Variants in SDK1 observed in about 807,000 individuals in gnomAD.
SDK1 encodes the protein protein sidekick-1.
In SDK1, 157 loss-of-function variants were observed where a neutral mutation model predicts 245.5. That is an observed-to-expected ratio of 0.64 (90% CI 0.56 to 0.73). The LOEUF (loss-of-function observed/expected upper bound fraction) is 0.73. Ranked by LOEUF, SDK1 falls within the 30% of genes least tolerant of loss-of-function variation. The pLI is 0.00. For missense variants in SDK1, 3,583 were observed against 3,002.3 expected, an observed-to-expected ratio of 1.19 and a Z score of -4.52; for synonymous variants, 1,647 against 1,278.5, an observed-to-expected ratio of 1.29 and a Z score of -6.15.
rs1788511473 is a variant in SDK1, at chr7:4,267,035, G to A, written c.*1651G>A. On this transcript the variant is annotated 3_prime_UTR_variant, in exon 45 of 45. Coordinates refer to ENST00000404826, the MANE Select transcript of SDK1 (RefSeq NM_152744.4). Reference sequence around the variant, plus strand: ...TTTTGTGCACCTCCATGGGCAGAGGGTGTGGATATTGCCTGGATTCTGTGC... The same window carrying A: ...TTTTGTGCACCTCCATGGGCAGAGGATGTGGATATTGCCTGGATTCTGTGC... The A allele has an allele frequency of 1.0e-6, 1 of 985,458 alleles. No individual in the cohort carries two copies. Among genetic ancestry groups the A allele is most frequent in the Admixed American group, 6.1e-5 (1 of 16,266 alleles). 61.0% of individuals were successfully genotyped at this position (985,458 alleles called of 1,614,324 possible).
intron 5 of SDK1, among the ~76,000 whole-genome samples, chr7:3,868,513 A>G (rs1402324553): frequency 6.6e-6 from 1 of 152,236 alleles, no homozygotes; most frequent in East Asian, 1.9e-4. Context: ...CATAATTTGC[A>G]TTACTGTTAG....
chr7:4,011,031 C>G lies in SDK1; in HGVS notation c.2197C>G (p.Leu733Val), dbSNP rs1346920895. ...PEMTGVTVSG[L>V]TPARTYQFRV... ...GATGACAGGCGTCACCGTGAGTGGCCTGACTCCGGCTCGTACCTATCAATT... is the reference window on the plus strand; with the variant it reads ...GATGACAGGCGTCACCGTGAGTGGCGTGACTCCGGCTCGTACCTATCAATT... Residue 733 changes from leucine (L) to valine (V), a missense_variant, in exon 15 of 45, where the codon CTG becomes GTG. Coordinates refer to ENST00000404826, the MANE Select transcript of SDK1 (RefSeq NM_152744.4). 1.2e-6 allele frequency: 2 copies of G among 1,614,112 alleles called. No individual in the cohort carries two copies. The highest frequency in any genetic ancestry group is 1.7e-6 in the Non-Finnish European group (2 of 1,180,048).
chr7:3,774,088 G>A (rs941047098), intron 4 of SDK1, among the ~76,000 whole-genome samples: 9 of 152,112 alleles, frequency 5.9e-5, no homozygotes, highest in African/African-American at 2.2e-4. Context: ...GGTGGCGGGT[G>A]CCTGTAGTCC....
At chr7:3,595,672 G>T (rs1781029732) in intron 1 of SDK1, among the ~76,000 whole-genome samples, 1 of 151,746 alleles carries the variant, frequency 6.6e-6, no homozygotes, top group East Asian at 1.9e-4. Context: ...GCCACTTCCT[G>T]CGTGACTTTG....
At chr7:3,765,647 G>T (rs1175010087) in intron 4 of SDK1, among the ~76,000 whole-genome samples, 2 of 152,168 alleles carry the variant, frequency 1.3e-5, no homozygotes, top group African/African-American at 4.8e-5. Flanking sequence ...GAAGGTGGAA[G>T]TATCTAACAA....
At chr7:3,473,235 A>C (rs1450007860) in intron 1 of SDK1, among the ~76,000 whole-genome samples, 2 of 152,000 alleles carry the variant, frequency 1.3e-5, no homozygotes, top group African/African-American at 4.8e-5. Context: ...CAAATTTCCT[A>C]CTCCAAGCCT....
intron 17 of SDK1, among the ~76,000 whole-genome samples, chr7:4,023,157 G>A (rs184208337): frequency 1.8e-4 from 28 of 152,074 alleles, no homozygotes; most frequent in African/African-American, 6.0e-4. Context: ...GCAAGCTCTC[G>A]GCATGGGCTA....
intron 4 of SDK1, among the ~76,000 whole-genome samples, chr7:3,768,491 A>G (rs752023998): frequency 1.3e-5 from 2 of 152,238 alleles, no homozygotes; most frequent in Non-Finnish European, 2.9e-5. Flanking sequence ...AGCCCTCAGC[A>G]TTTCTCAGCT....
intron 4 of SDK1, among the ~76,000 whole-genome samples, chr7:3,704,971 G>T (rs562521723): frequency 2.0e-5 from 3 of 151,950 alleles, no homozygotes; most frequent in African/African-American, 7.2e-5. Context: ...ATGTTTTTGC[G>T]TGCTTTGTCA....
intron 4 of SDK1, among the ~76,000 whole-genome samples, chr7:3,689,784 C>A (rs564692624): frequency 3.9e-5 from 6 of 152,236 alleles, no homozygotes; most frequent in Admixed American, 6.5e-5. Flanking sequence ...TTTTTATTTC[C>A]CAATGAATCC....
rs530561361 is a variant in SDK1, at chr7:3,336,817, C to G, written c.298+34933C>G. Among the ~76,000 whole-genome samples, 34 of 152,272 alleles carry G rather than the reference C, an allele frequency of 2.2e-4. No homozygotes were observed. In the Middle Eastern group the frequency reaches 0.01, roughly 46 times the overall value. On this transcript the variant is annotated intron_variant, in intron 1 of 44. Transcript: ENST00000404826. ...AGTGTCAGTGAGCTGAACTCTCACC[C>G]CATCTGTCTGCAACAAGGCAATGTG...
At position 4,195,887 on chromosome 7, in the gene SDK1, C is replaced by G. The variant is rs182944612; in HGVS notation, c.5099-9992C>G. 9.9e-5 allele frequency among the ~76,000 whole-genome samples: 15 copies of G among 152,238 alleles called. No homozygotes were observed. In the East Asian group the frequency reaches 2.5e-3, roughly 26 times the overall value. On this transcript the variant is annotated intron_variant, in intron 35 of 44. Transcript: ENST00000404826. Reference sequence around the variant, plus strand: ...GCTAACATGTGCCCTTGGGAGGGTGCCTCCACCCACCCCAAAATCCATGAC... The same window carrying G: ...GCTAACATGTGCCCTTGGGAGGGTGGCTCCACCCACCCCAAAATCCATGAC...
At chr7:3,535,691 A>G (rs1005561921) in intron 1 of SDK1, among the ~76,000 whole-genome samples, 7 of 152,182 alleles carry the variant, frequency 4.6e-5, no homozygotes, top group Non-Finnish European at 8.8e-5. Context: ...TAGTAATCAG[A>G]TGTTTTCTGT....
chr7:3,356,944 A>G (rs1040037208), intron 1 of SDK1, among the ~76,000 whole-genome samples: 1 of 136,396 alleles, frequency 7.3e-6, no homozygotes, highest in South Asian at 2.4e-4. Context: ...AATCCCAGCT[A>G]CTCAGGAGGC....
chr7:3,385,985 TC>T (rs1199485211), intron 1 of SDK1, among the ~76,000 whole-genome samples: 1 of 152,158 alleles, frequency 6.6e-6, no homozygotes, highest in Non-Finnish European at 1.5e-5. Context: ...ATTTTTTTTT[TC>T]CACATGAGGG....
chr7:4,161,232 G>A (rs1397463719), intron 31 of SDK1, among the ~76,000 whole-genome samples: 1 of 152,166 alleles, frequency 6.6e-6, no homozygotes, highest in African/African-American at 2.4e-5. Flanking sequence ...AACCAGCCTT[G>A]TCCCTCCAGA....
chr7:3,654,476 A>G (rs1484416097), intron 4 of SDK1, among the ~76,000 whole-genome samples: 2 of 152,224 alleles, frequency 1.3e-5, no homozygotes, highest in Non-Finnish European at 2.9e-5. Context: ...ATTGTCAGGT[A>G]GTGCGATAAA....
intron 4 of SDK1, among the ~76,000 whole-genome samples, chr7:3,668,790 C>CAAACA (rs892808617): frequency 6.6e-6 from 1 of 152,150 alleles, no homozygotes; most frequent in African/African-American, 2.4e-5. Context: ...AATTCCTACT[C>CAAACA]AAACAAAACA....
At position 4,053,212 on chromosome 7, in the gene SDK1, C is replaced by T. The variant is rs73040490; in HGVS notation, c.2911+1382C>T. Among the ~76,000 whole-genome samples, 1,059 of 152,128 alleles carry T rather than the reference C, an allele frequency of 7.0e-3. 7 individuals are homozygous for T. Among genetic ancestry groups the T allele is most frequent in the Non-Finnish European group, 9.5e-3 (649 of 68,002 alleles). ...CTTGTCTCTACTAGAGTTTGGCCGT[C>T]GCCAGCTCCACCCCGTGCTGCTCCC... On this transcript the variant is annotated intron_variant, in intron 19 of 44. Transcript: ENST00000404826.
Sources: allele counts gnomAD v4.1 joint callset (sites outside exome capture counted in the v4.1 genomes callset), GRCh38; gene constraint gnomAD v4.1.1; transcripts MANE v1.5; gene names NCBI Gene and HGNC (gene_info 2026-07-23, HGNC 2026-07-21).